Variants in IGSF11 observed in about 807,000 individuals in gnomAD.
IGSF11 encodes the protein immunoglobulin superfamily member 11, also known as CXADR like 1.
IGSF11 carries 22 observed loss-of-function variants against 41.0 expected under a neutral mutation model. The ratio of observed to expected loss-of-function variants is 0.54; its 90% CI spans 0.38 to 0.77. IGSF11 has a LOEUF of 0.77. IGSF11 is among the 30% of genes least tolerant of loss of function. The pLI is 0.00. For synonymous variants in IGSF11, 219 were observed against 201.3 expected (o/e 1.09, Z -0.74); for missense variants, 444 against 530.8 (o/e 0.84, Z 1.61).
At chr3:118,998,810 CA>C (rs1294896570) in intron 1 of IGSF11, among the ~76,000 whole-genome samples, 1 of 152,002 alleles carries the variant, frequency 6.6e-6, no homozygotes, top group Non-Finnish European at 1.5e-5. Context: ...TAAAAGTTGA[CA>C]AATGGTATCT....
chr3:118,934,526 C>G (rs1943094986), intron 1 of IGSF11, among the ~76,000 whole-genome samples: 1 of 152,110 alleles, frequency 6.6e-6, no homozygotes, highest in Admixed American at 6.5e-5. Flanking sequence ...ATCATGAATT[C>G]AATTCTCATA....
At chr3:118,938,560 T>C (rs1473289075) in intron 1 of IGSF11, among the ~76,000 whole-genome samples, 2 of 152,210 alleles carry the variant, frequency 1.3e-5, no homozygotes, top group Non-Finnish European at 2.9e-5. Flanking sequence ...TGCAGTGTTA[T>C]GATGGACATG....
rs1441513660 is a variant in IGSF11, at chr3:119,143,207, GGTTT to G, written c.-14+2602_-14+2605del. 2.5e-3 allele frequency among the ~76,000 whole-genome samples: 378 copies of G among 152,110 alleles called. 1 individual carries two copies. Among genetic ancestry groups the G allele is most frequent in the African/African-American group, 8.8e-3 (365 of 41,500 alleles). ...ATTTAATAGCCAGCATTGTATTTTTGGTTTGAACCTCTTTTTATGTATGATTTAA... is the reference window on the plus strand; with the variant it reads ...ATTTAATAGCCAGCATTGTATTTTTGGAACCTCTTTTTATGTATGATTTAA... On this transcript the variant is annotated intron_variant, in intron 1 of 7. Coordinates refer to the IGSF11 transcript ENST00000425327.
At chr3:119,044,226 T>G (rs1295721413) in intron 1 of IGSF11, among the ~76,000 whole-genome samples, 5 of 152,080 alleles carry the variant, frequency 3.3e-5, no homozygotes, top group Non-Finnish European at 7.4e-5. Flanking sequence ...CAATCACAAC[T>G]TCTGAAAATG....
intron 3 of IGSF11, 127 bp downstream of exon 3, chr3:118,928,382 G>T: frequency 6.0e-6 from 4 of 670,040 alleles, no homozygotes; most frequent in Non-Finnish European, 7.9e-6. Context: ...AGAAGAGATG[G>T]AACTGAGAGA....
chr3:119,004,972 A>C (rs1937336431), intron 1 of IGSF11, among the ~76,000 whole-genome samples: 1 of 151,364 alleles, frequency 6.6e-6, no homozygotes, highest in African/African-American at 2.4e-5. Context: ...GTAGATGTCT[A>C]TTAGGTGCGC....
intron 1 of IGSF11, among the ~76,000 whole-genome samples, chr3:118,932,178 G>T (rs769630805): frequency 3.3e-5 from 5 of 152,182 alleles, no homozygotes; most frequent in Non-Finnish European, 5.9e-5. Context: ...CTTCTGCAAA[G>T]GCTCCTCCCT....
At chr3:119,000,247 CAT>C (rs1210703222) in intron 1 of IGSF11, among the ~76,000 whole-genome samples, 1 of 150,422 alleles carries the variant, frequency 6.6e-6, no homozygotes, top group East Asian at 1.9e-4. Context: ...TTTCCACACT[CAT>C]ATTATTTGAT....
upstream of IGSF11, among the ~76,000 whole-genome samples, chr3:119,037,490 G>A (rs1051579930): frequency 2.0e-5 from 3 of 152,084 alleles, no homozygotes; most frequent in African/African-American, 7.2e-5. Context: ...TATAAAATTT[G>A]GATGAGATTG....
intron 1 of IGSF11, among the ~76,000 whole-genome samples, chr3:118,961,839 G>C (rs1366633826): frequency 1.3e-5 from 2 of 152,158 alleles, no homozygotes; most frequent in African/African-American, 2.4e-5. Context: ...AAAATGTGTT[G>C]GTCTATGTGC....
intron 1 of IGSF11, among the ~76,000 whole-genome samples, chr3:118,967,661 C>A (rs1421765556): frequency 6.6e-6 from 1 of 152,028 alleles, no homozygotes; most frequent in Non-Finnish European, 1.5e-5. Flanking sequence ...CTTAAAGAAC[C>A]CTTCTCATAA....
chr3:118,926,369 C>T, intron 3 of IGSF11, 113 bp from the exon 4 acceptor site: 1 of 854,620 alleles, frequency 1.2e-6, no homozygotes, highest in Non-Finnish European at 1.7e-6. Context: ...GTTTTGGGAA[C>T]ATATACCAGG....
chr3:118,994,125 A>G (rs1936048863), intron 1 of IGSF11, among the ~76,000 whole-genome samples: 1 of 152,246 alleles, frequency 6.6e-6, no homozygotes, highest in African/African-American at 2.4e-5. Context: ...GGAAAGGCAC[A>G]TATGAAGTAG....
chr3:119,130,296 T>C (rs1187123129), intron 1 of IGSF11, among the ~76,000 whole-genome samples: 1 of 152,162 alleles, frequency 6.6e-6, no homozygotes, highest in Admixed American at 6.5e-5. Context: ...AGATTTCCCT[T>C]TCCTAGCCAA....
chr3:119,045,241 C>A (rs140551175), intron 1 of IGSF11, among the ~76,000 whole-genome samples: 1 of 152,336 alleles, frequency 6.6e-6, no homozygotes, highest in African/African-American at 2.4e-5. Context: ...ACCGGGTTCA[C>A]TTCACTAGGG....
chr3:119,117,874 G>A (rs1298004721), intron 1 of IGSF11, among the ~76,000 whole-genome samples: 1 of 152,252 alleles, frequency 6.6e-6, no homozygotes, highest in Non-Finnish European at 1.5e-5. Context: ...TAGGCCCTAT[G>A]TAAGTCCAAA....
At chr3:118,990,148 T>C (rs546676779) in intron 1 of IGSF11, among the ~76,000 whole-genome samples, 2 of 152,310 alleles carry the variant, frequency 1.3e-5, no homozygotes, top group African/African-American at 4.8e-5. Flanking sequence ...CAAAATGCAA[T>C]AGGGAACCAC....
chr3:118,997,956 TATA>T (rs1936436108), intron 1 of IGSF11, among the ~76,000 whole-genome samples: 3 of 152,220 alleles, frequency 2.0e-5, no homozygotes, highest in Non-Finnish European at 2.9e-5. Context: ...AGACACTGAT[TATA>T]ATATCCAATA....
intron 1 of IGSF11, among the ~76,000 whole-genome samples, chr3:119,138,122 A>G (rs1380122406): frequency 6.7e-6 from 1 of 148,358 alleles, no homozygotes; most frequent in Non-Finnish European, 1.5e-5. Flanking sequence ...AATGTAAATT[A>G]TTTTCACTAT....
Sources: allele counts gnomAD v4.1 joint callset (sites outside exome capture counted in the v4.1 genomes callset), GRCh38; gene constraint gnomAD v4.1.1; transcripts MANE v1.5; gene names NCBI Gene and HGNC (gene_info 2026-07-23, HGNC 2026-07-21).